ZYG11B: variants seen among roughly 807,000 people sequenced by gnomAD.
ZYG11B encodes zyg-11 family member B, cell cycle regulator.
In ZYG11B, 36 loss-of-function variants were observed where a neutral mutation model predicts 82.4. That is an observed-to-expected ratio of 0.44 (90% CI 0.33 to 0.58). The LOEUF (loss-of-function observed/expected upper bound fraction) is 0.58, where lower values mean the gene tolerates loss of function less well. Among genes scored for constraint, ZYG11B ranks in the 20% least tolerant of loss-of-function variants. The pLI is 0.02. For missense variants in ZYG11B, 552 were observed against 895.6 expected (o/e 0.62, Z 4.90); for synonymous variants, 303 against 312.8 (o/e 0.97, Z 0.33).
chr1:52,810,356 A>C (rs1448551637), intron 10 of ZYG11B, among the ~76,000 whole-genome samples: 1 of 151,870 alleles, frequency 6.6e-6, no homozygotes, highest in Non-Finnish European at 1.5e-5. Flanking sequence ...TTTTATTATC[A>C]TTACTCTGCT....
intron 10 of ZYG11B, among the ~76,000 whole-genome samples, chr1:52,811,900 G>A (rs950667431): frequency 6.6e-6 from 1 of 152,000 alleles, no homozygotes; most frequent in Non-Finnish European, 1.5e-5. Flanking sequence ...GCATGGTAGC[G>A]GTTGCCTGTA....
At chr1:52,741,322 A>G (rs1440703528) in intron 1 of ZYG11B, among the ~76,000 whole-genome samples, 2 of 147,798 alleles carry the variant, frequency 1.4e-5, no homozygotes, top group Non-Finnish European at 1.5e-5. Context: ...AAAAAAAAGA[A>G]AAGAAAAGAA....
At chr1:52,806,518 T>C (rs1038967012) in intron 10 of ZYG11B, among the ~76,000 whole-genome samples, 19 of 152,176 alleles carry the variant, frequency 1.2e-4, no homozygotes, top group Non-Finnish European at 1.5e-5. Context: ...GTATAAACAT[T>C]TAGAATTATG....
chr1:52,816,668 A>G, intron 13 of ZYG11B, 39 bp downstream of exon 13: 1 of 1,423,206 alleles, frequency 7.0e-7, no homozygotes, highest in African/African-American at 1.4e-5. Context: ...TTTTTTCTTT[A>G]AGTGAAATTC....
chr1:52,801,039 A>G (rs1161664465), intron 8 of ZYG11B, among the ~76,000 whole-genome samples: 2 of 152,216 alleles, frequency 1.3e-5, no homozygotes, highest in African/African-American at 4.8e-5. Context: ...CTTTTCAAAC[A>G]TAAATTTTTT....
At chr1:52,802,225 G>T in intron 10 of ZYG11B, 86 bp downstream of exon 10, 1 of 1,338,992 alleles carries the variant, frequency 7.5e-7, no homozygotes, top group South Asian at 1.3e-5. Flanking sequence ...GCTCTGCAGT[G>T]GCAGTATCAT....
chr1:52,803,087 C>CATATATATAT lies in ZYG11B; in HGVS notation c.1695+950_1695+959dup, dbSNP rs1232248742. On this transcript the variant is annotated intron_variant, in intron 10 of 13. Transcript: ENST00000294353. The stretch of plus-strand genomic sequence containing the variant: ...TTGCCACTATATATATATATATACA[C>CATATATATAT]ATATATATATACATATATATATATA... 4.9e-4 allele frequency among the ~76,000 whole-genome samples: 11 copies of CATATATATAT among 22,548 alleles called. 1 individual carries two copies. The highest frequency in any genetic ancestry group is 3.6e-3 in the Admixed American group (5 of 1,382). 14.8% of individuals were successfully genotyped at this position (22,548 alleles called of 152,430 possible). A position where few individuals can be genotyped will look rare whatever the true frequency, so the allele number is the denominator to read the frequency against.
intron 12 of ZYG11B, among the ~76,000 whole-genome samples, chr1:52,816,242 G>C (rs1268216080): frequency 1.3e-5 from 2 of 152,076 alleles, no homozygotes; most frequent in African/African-American, 4.8e-5. Flanking sequence ...TCCAAACCAA[G>C]ATCTACTTAT....
intron 2 of ZYG11B, among the ~76,000 whole-genome samples, chr1:52,766,594 C>G (rs546524219): frequency 6.6e-6 from 1 of 151,964 alleles, no homozygotes; most frequent in African/African-American, 2.4e-5. Context: ...TTTATTGAAA[C>G]CAGGACATTT....
Position 52,732,792 on chromosome 1 carries a change from G to A in ZYG11B, c.30+6109G>A, listed in dbSNP as rs184596390. Among the ~76,000 whole-genome samples, 862 of 150,898 alleles carry A rather than the reference G, an allele frequency of 5.7e-3. 5 individuals carry two copies. The highest frequency in any genetic ancestry group is 9.7e-3 in the Non-Finnish European group (658 of 67,778). The stretch of plus-strand genomic sequence containing the variant: ...AAAAAAAGGCCACCCTGGCCAATGT[G>A]GTGAAACCCTGTCTCTACTAAAAAT... On this transcript the variant is annotated intron_variant, in intron 1 of 13. Coordinates refer to ENST00000294353, the MANE Select transcript of ZYG11B (RefSeq NM_024646.3).
At chr1:52,762,754 G>A (rs1644643086) in intron 2 of ZYG11B, among the ~76,000 whole-genome samples, 1 of 151,560 alleles carries the variant, frequency 6.6e-6, no homozygotes, top group Non-Finnish European at 1.5e-5. Flanking sequence ...GCTAATTTTT[G>A]TATTTTTAGT....
Position 52,803,107 on chromosome 1 carries a change from TATATATATATAC to T in ZYG11B, c.1695+970_1695+981del, listed in dbSNP as rs1558140038. On this transcript the variant is annotated intron_variant, in intron 10 of 13. Coordinates refer to ENST00000294353, the MANE Select transcript of ZYG11B (RefSeq NM_024646.3). ...ATACACATATATATATACATATATA[TATATATATATAC>T]ACACATATATATATACACACATATA... Among the ~76,000 whole-genome samples, 76 of 89,904 alleles carry T rather than the reference TATATATATATAC, an allele frequency of 8.5e-4. 6 individuals carry two copies. The Middle Eastern group carries it at 0.017, about 20-fold the overall frequency. 59.0% of individuals were successfully genotyped at this position (89,904 alleles called of 152,430 possible).
At chr1:52,733,432 G>T (rs1558114579) in intron 1 of ZYG11B, among the ~76,000 whole-genome samples, 1 of 152,152 alleles carries the variant, frequency 6.6e-6, no homozygotes. Context: ...CCAACACTTT[G>T]GGAGACAAAG....
chr1:52,817,809 ATATATATTTTTTTTTT>A (rs1645246407), intron 13 of ZYG11B, among the ~76,000 whole-genome samples: 2 of 38,172 alleles, frequency 5.2e-5, no homozygotes, highest in African/African-American at 2.3e-4. Context: ...ATATATATAT[ATATATATTTTTTTTTT>A]TTTTTTTTTT....
intron 10 of ZYG11B, among the ~76,000 whole-genome samples, chr1:52,812,424 A>G (rs938793711): frequency 2.0e-5 from 3 of 152,070 alleles, no homozygotes; most frequent in African/African-American, 7.2e-5. Context: ...TCTTTGTGAG[A>G]CGGAGTCTCG....
chr1:52,792,226 GATGA>G (rs567888897), intron 6 of ZYG11B, among the ~76,000 whole-genome samples: 21 of 152,176 alleles, frequency 1.4e-4, no homozygotes, highest in African/African-American at 3.4e-4. Context: ...TTGATTGATG[GATGA>G]ATGAATGAAT....
At chr1:52,790,099 CA>C in intron 6 of ZYG11B, 32 bp downstream of exon 6, 1 of 1,479,314 alleles carries the variant, frequency 6.8e-7, no homozygotes, top group Non-Finnish European at 9.2e-7. Context: ...TAAAGTGGGG[CA>C]AAACAGAATG....
At chr1:52,807,688 G>A (rs752381424) in intron 10 of ZYG11B, among the ~76,000 whole-genome samples, 5 of 151,352 alleles carry the variant, frequency 3.3e-5, no homozygotes, top group Non-Finnish European at 7.4e-5. Context: ...ATGGGTTTTC[G>A]CCATGTTGCC....
chr1:52,819,923 TA>T (rs201555884), intron 13 of ZYG11B, among the ~76,000 whole-genome samples: 20 of 151,724 alleles, frequency 1.3e-4, no homozygotes, highest in Middle Eastern at 3.4e-3. Flanking sequence ...TATTTTATTT[TA>T]TTTTTTTTTT....
Sources: allele counts gnomAD v4.1 joint callset (sites outside exome capture counted in the v4.1 genomes callset), GRCh38; gene constraint gnomAD v4.1.1; transcripts MANE v1.5; gene names NCBI Gene and HGNC (gene_info 2026-07-23, HGNC 2026-07-21).